Variants in RBMS3 observed in about 807,000 individuals in gnomAD.
RBMS3 encodes the protein RNA-binding motif, single-stranded-interacting protein 3.
Under a neutral mutation model 66.8 loss-of-function variants are expected in RBMS3, and 27 were observed. The ratio of observed to expected loss-of-function variants is 0.40; its 90% CI spans 0.30 to 0.56. RBMS3 has a LOEUF of 0.56. RBMS3 is among the 20% of genes least tolerant of loss of function. The probability of loss-of-function intolerance (pLI) is 0.40; values close to 1 mark genes in which losing one functional copy is unlikely to be tolerated. For missense variants in RBMS3, 513 were observed against 549.5 expected (o/e 0.93, Z 0.66); for synonymous variants, 188 against 183.0 (o/e 1.03, Z -0.22).
At chr3:29,991,366 G>A in intron 14 of RBMS3, 157 bp downstream of exon 14, 1 of 1,284,134 alleles carries the variant, frequency 7.8e-7, no homozygotes, top group Non-Finnish European at 1.1e-6. Flanking sequence ...TGAAATTTGG[G>A]CTAACTTTGG....
Position 29,281,644 on chromosome 3 carries a change from A to G in RBMS3, c.-38A>G, listed in dbSNP as rs1294769797. On this transcript the variant is annotated 5_prime_UTR_variant, in exon 1 of 15. Transcript: ENST00000383767. ...TCGGCCTGGGGCACTATACCCTGTC[A>G]TCCAGTTCCCTGCCTCGGAGATAAA... The G allele has an allele frequency of 7.0e-6, 11 of 1,571,558 alleles. No individual in the cohort carries two copies. The highest frequency in any genetic ancestry group is 1.7e-5 in the Admixed American group (1 of 59,878).
chr3:29,950,276 G>C (rs1026768649), intron 12 of RBMS3, among the ~76,000 whole-genome samples: 1 of 151,854 alleles, frequency 6.6e-6, no homozygotes, highest in East Asian at 1.9e-4. Context: ...TTCTGCAGTA[G>C]AATTTTTCAG....
intron 6 of RBMS3, among the ~76,000 whole-genome samples, chr3:29,857,286 G>C (rs528579404): frequency 1.3e-5 from 2 of 152,212 alleles, no homozygotes; most frequent in South Asian, 2.1e-4. Flanking sequence ...GTATGTATTT[G>C]CTTCCTTGTT....
intron 6 of RBMS3, among the ~76,000 whole-genome samples, chr3:29,767,951 G>T (rs543461373): frequency 6.6e-6 from 1 of 152,054 alleles, no homozygotes; most frequent in African/African-American, 2.4e-5. Context: ...AATAAAAAAT[G>T]CTATGGTATA....
At chr3:29,416,540 A>AT (rs35010693) in intron 1 of RBMS3, among the ~76,000 whole-genome samples, 6 of 150,654 alleles carry the variant, frequency 4.0e-5, no homozygotes, top group South Asian at 2.1e-4. Context: ...CCCTATTTGC[A>AT]TTTTTTTTTT....
At chr3:29,496,986 C>T (rs1390898715) in intron 3 of RBMS3, among the ~76,000 whole-genome samples, 1 of 151,882 alleles carries the variant, frequency 6.6e-6, no homozygotes, top group Non-Finnish European at 1.5e-5. Context: ...TTTGTACATG[C>T]AGAACGTGCA....
At chr3:29,452,786 A>G (rs748147728) in intron 2 of RBMS3, among the ~76,000 whole-genome samples, 10 of 152,202 alleles carry the variant, frequency 6.6e-5, no homozygotes, top group Non-Finnish European at 1.3e-4. Flanking sequence ...CATTGTCACT[A>G]TCCTTCCTGA....
intron 7 of RBMS3, among the ~76,000 whole-genome samples, chr3:29,875,769 A>G (rs1195391250): frequency 6.6e-6 from 1 of 152,074 alleles, no homozygotes; most frequent in Non-Finnish European, 1.5e-5. Flanking sequence ...ATTATATTAT[A>G]CTTTTCTTCT....
chr3:29,756,802 T>A (rs1308828686), intron 5 of RBMS3, among the ~76,000 whole-genome samples: 1 of 152,126 alleles, frequency 6.6e-6, no homozygotes. Flanking sequence ...TTTATCAGTT[T>A]ATTATAAAGG....
At chr3:29,554,073 A>G (rs2046265645) in intron 3 of RBMS3, among the ~76,000 whole-genome samples, 1 of 152,192 alleles carries the variant, frequency 6.6e-6, no homozygotes, top group Admixed American at 6.5e-5. Flanking sequence ...ATTATTCCAT[A>G]TTAAGATATC....
At chr3:29,740,888 A>G (rs2054609913) in intron 5 of RBMS3, among the ~76,000 whole-genome samples, 1 of 152,030 alleles carries the variant, frequency 6.6e-6, no homozygotes, top group Non-Finnish European at 1.5e-5. Flanking sequence ...GAAAATACAA[A>G]AATTAGCCGT....
chr3:29,863,386 G>A (rs903364082), intron 6 of RBMS3, among the ~76,000 whole-genome samples: 2 of 151,908 alleles, frequency 1.3e-5, no homozygotes, highest in African/African-American at 4.8e-5. Context: ...ATAATAAAAA[G>A]AAAATGTATT....
At chr3:29,839,536 T>A (rs1246979136) in intron 6 of RBMS3, among the ~76,000 whole-genome samples, 1 of 151,856 alleles carries the variant, frequency 6.6e-6, no homozygotes, top group Non-Finnish European at 1.5e-5. Context: ...AGGAAGCTTT[T>A]AAAGATAGAA....
At chr3:29,511,654 G>T (rs2044417778) in intron 3 of RBMS3, among the ~76,000 whole-genome samples, 1 of 152,036 alleles carries the variant, frequency 6.6e-6, no homozygotes, top group African/African-American at 2.4e-5. Context: ...TTAAAATTAT[G>T]GACCCTACTC....
intron 4 of RBMS3, among the ~76,000 whole-genome samples, chr3:29,722,326 A>G (rs537835632): frequency 2.0e-5 from 3 of 152,032 alleles, no homozygotes; most frequent in African/African-American, 7.2e-5. Flanking sequence ...CTATTAATAT[A>G]TACATATTAT....
intron 12 of RBMS3, 77 bp downstream of exon 12, chr3:29,944,331 T>C (rs1274583460): frequency 7.8e-7 from 1 of 1,279,890 alleles, no homozygotes; most frequent in Admixed American, 1.7e-5. Flanking sequence ...CCAAACTCTT[T>C]AAAGCAGTGA....
At chr3:29,326,130 T>C (rs140899275) in intron 1 of RBMS3, among the ~76,000 whole-genome samples, 286 of 152,314 alleles carry the variant, frequency 1.9e-3, no homozygotes, top group Non-Finnish European at 3.4e-3. Flanking sequence ...AATGTCTTCA[T>C]TGCCACCAAA....
At chr3:29,445,823 C>CA (rs1259349394) in intron 2 of RBMS3, among the ~76,000 whole-genome samples, 1 of 152,086 alleles carries the variant, frequency 6.6e-6, no homozygotes, top group Non-Finnish European at 1.5e-5. Flanking sequence ...ATATCTCTAA[C>CA]ACAGTAGTAT....
rs547338247 is a variant in RBMS3 at position 29,764,581 on chromosome 3, AT to A, written c.637+1594del. Among the ~76,000 whole-genome samples, 4 of 152,148 alleles carry A rather than the reference AT, an allele frequency of 2.6e-5. No homozygotes were observed. The South Asian group carries it at 8.3e-4, about 32-fold the overall frequency. On this transcript the variant is annotated intron_variant, in intron 6 of 14. Coordinates refer to ENST00000383767, the MANE Select transcript of RBMS3 (RefSeq NM_001003793.3). ...ATAAAAATGAGCACACTGTGTAGAA[AT>A]TATGAATGATTCAAGTTTTAGCACA...
Sources: allele counts gnomAD v4.1 joint callset (sites outside exome capture counted in the v4.1 genomes callset), GRCh38; gene constraint gnomAD v4.1.1; transcripts MANE v1.5; gene names NCBI Gene and HGNC (gene_info 2026-07-23, HGNC 2026-07-21).